The following SAMD12 variants were observed in gnomAD, a reference collection of about 807,000 sequenced individuals.
The protein encoded by SAMD12 is sterile alpha motif domain containing 12.
In SAMD12, 9 loss-of-function variants were observed where a neutral mutation model predicts 15.0. The observed-to-expected ratio is 0.60, with a 90% CI of 0.36 to 1.05. The LOEUF (loss-of-function observed/expected upper bound fraction) is 1.05. Among genes scored for constraint, SAMD12 ranks in the 50% least tolerant of loss-of-function variants. SAMD12 has a pLI of 0.01. For synonymous variants in SAMD12, 86 were observed against 90.1 expected, an observed-to-expected ratio of 0.96 and a Z score of 0.25; for missense variants, 230 against 234.2, an observed-to-expected ratio of 0.98 and a Z score of 0.12.
At chr8:118,310,789 A>T (rs545456484) in intron 4 of SAMD12, among the ~76,000 whole-genome samples, 5 of 152,320 alleles carry the variant, frequency 3.3e-5, no homozygotes, top group African/African-American at 1.2e-4. Flanking sequence ...TAAGCATCTA[A>T]TTCCCTATAT....
chr8:118,277,342 C>A (rs1813498858), intron 4 of SAMD12, among the ~76,000 whole-genome samples: 1 of 152,136 alleles, frequency 6.6e-6, no homozygotes, highest in Non-Finnish European at 1.5e-5. Flanking sequence ...CTTGACTGTT[C>A]TATCTTTCTA....
At chr8:118,532,575 T>C (rs1030037741) in intron 2 of SAMD12, among the ~76,000 whole-genome samples, 3 of 152,132 alleles carry the variant, frequency 2.0e-5, no homozygotes, top group African/African-American at 7.2e-5. Context: ...TCCTGGACTG[T>C]TTTTGGTTCG....
At chr8:118,511,484 T>A (rs1825080572) in intron 2 of SAMD12, among the ~76,000 whole-genome samples, 1 of 152,114 alleles carries the variant, frequency 6.6e-6, no homozygotes, top group Non-Finnish European at 1.5e-5. Flanking sequence ...AATAGATGTT[T>A]TGTAGATTGG....
At chr8:118,400,680 T>C (rs1276328918) in intron 3 of SAMD12, 1 of 152,212 alleles carries the variant, frequency 6.6e-6, no homozygotes, top group Non-Finnish European at 1.5e-5. Flanking sequence ...TTCCTTTGCA[T>C]GCAGAGTAAT....
intron 2 of SAMD12, among the ~76,000 whole-genome samples, chr8:118,473,877 A>C (rs973486351): frequency 6.6e-6 from 1 of 152,136 alleles, no homozygotes; most frequent in Non-Finnish European, 1.5e-5. Context: ...AGGTCCATCC[A>C]ACAACAAATC....
the SAMD12 span, among the ~76,000 whole-genome samples, chr8:118,166,784 G>A: frequency 9.9e-5 from 15 of 152,240 alleles, no homozygotes; most frequent in East Asian, 2.9e-3. Context: ...TACAACAATG[G>A]TAAACCCAAA....
At chr8:118,204,150 A>G (rs1819795037) in intron 4 of SAMD12, among the ~76,000 whole-genome samples, 1 of 152,070 alleles carries the variant, frequency 6.6e-6, no homozygotes, top group African/African-American at 2.4e-5. Context: ...TAGAACCCTC[A>G]CAGGCATTAC....
At chr8:118,405,529 T>C (rs1586675320) in intron 3 of SAMD12, among the ~76,000 whole-genome samples, 1 of 152,216 alleles carries the variant, frequency 6.6e-6, no homozygotes, top group African/African-American at 2.4e-5. Context: ...ACTGGAAGGA[T>C]GCACATGGGA....
At chr8:118,336,342 A>T (rs1817062462) in intron 4 of SAMD12, among the ~76,000 whole-genome samples, 1 of 152,232 alleles carries the variant, frequency 6.6e-6, no homozygotes, top group Non-Finnish European at 1.5e-5. Flanking sequence ...TTTTACCTAA[A>T]ATCAGGAGCA....
intron 2 of SAMD12, among the ~76,000 whole-genome samples, chr8:118,517,212 G>T (rs1411334070): frequency 6.6e-6 from 1 of 152,172 alleles, no homozygotes; most frequent in Non-Finnish European, 1.5e-5. Flanking sequence ...CAAAGGATAA[G>T]ATTCTTTGAA....
chr8:118,454,594 A>G (rs1823187661), intron 2 of SAMD12, among the ~76,000 whole-genome samples: 1 of 152,190 alleles, frequency 6.6e-6, no homozygotes. Flanking sequence ...CAAATTGAGT[A>G]TCTACATTTA....
the SAMD12 span, among the ~76,000 whole-genome samples, chr8:118,178,858 G>A: frequency 6.6e-6 from 1 of 152,200 alleles, no homozygotes; most frequent in Non-Finnish European, 1.5e-5. Context: ...CACACAAAAA[G>A]CTGTTTCTTG....
intron 4 of SAMD12, among the ~76,000 whole-genome samples, chr8:118,351,445 C>T (rs909341026): frequency 8.5e-5 from 13 of 152,178 alleles, no homozygotes; most frequent in African/African-American, 2.9e-4. Context: ...AAGAAAGGAA[C>T]TTGCCCAAGG....
chr8:118,409,901 T>C (rs1821325002), intron 3 of SAMD12, among the ~76,000 whole-genome samples: 4 of 151,972 alleles, frequency 2.6e-5, no homozygotes. Context: ...GAAGATGGCC[T>C]CTGCATTCAA....
At chr8:118,206,173 A>C (rs1321890661) in intron 4 of SAMD12, among the ~76,000 whole-genome samples, 4 of 152,234 alleles carry the variant, frequency 2.6e-5, no homozygotes, top group Non-Finnish European at 4.4e-5. Context: ...CCAATGATTC[A>C]GAATGTCCAG....
intron 1 of SAMD12, among the ~76,000 whole-genome samples, chr8:118,596,580 C>T (rs960344549): frequency 2.0e-5 from 3 of 152,226 alleles, no homozygotes; most frequent in Admixed American, 1.3e-4. Context: ...GGAGGAAGCG[C>T]CAGCCTTTGG....
chr8:118,178,756 G>A, the SAMD12 span, among the ~76,000 whole-genome samples: 2 of 152,070 alleles, frequency 1.3e-5, no homozygotes, highest in African/African-American at 2.4e-5. Context: ...ATGAGCCACC[G>A]CCCCCGGCCA....
chr8:118,284,577 A>G (rs968954973), intron 4 of SAMD12: 2 of 335,044 alleles, frequency 6.0e-6, no homozygotes, highest in African/African-American at 4.3e-5. Context: ...TGCTCTTGCA[A>G]TTGCCAGAGG....
At chr8:118,612,044 T>C (rs1305982575) in intron 1 of SAMD12, among the ~76,000 whole-genome samples, 1 of 152,130 alleles carries the variant, frequency 6.6e-6, no homozygotes, top group Non-Finnish European at 1.5e-5. Context: ...GCCTCACCCC[T>C]GCCATCCCCA....
Sources: gnomAD v4.1 joint callset for allele counts (sites outside exome capture counted in the v4.1 genomes callset) on GRCh38, gnomAD v4.1.1 for gene constraint, MANE v1.5 for transcripts, NCBI Gene and HGNC (gene_info 2026-07-23, HGNC 2026-07-21) for gene names.